The following AMBRA1 variants were observed in gnomAD, a reference collection of about 807,000 sequenced individuals.
AMBRA1 encodes activating molecule in BECN1-regulated autophagy protein 1.
AMBRA1 carries 47 observed loss-of-function variants against 125.4 expected under a neutral mutation model. That is an observed-to-expected ratio of 0.37 (90% CI 0.30 to 0.48). AMBRA1 has a LOEUF of 0.48. Among genes scored for constraint, AMBRA1 ranks in the 20% least tolerant of loss-of-function variants. The pLI is 0.99. For missense variants in AMBRA1, 1,331 were observed against 1,693.4 expected, an observed-to-expected ratio of 0.79 and a Z score of 3.76; for synonymous variants, 626 against 655.5, an observed-to-expected ratio of 0.95 and a Z score of 0.69.
chr11:46,544,103 G>A, intron 5 of AMBRA1, 62 bp from the exon 6 acceptor site: 1 of 1,362,456 alleles, frequency 7.3e-7, no homozygotes, highest in Non-Finnish European at 1.0e-6. Flanking sequence ...CTGAGAAGAG[G>A]AAACTTGTGT....
At chr11:46,556,817 A>G (rs1046649286) in intron 1 of AMBRA1, among the ~76,000 whole-genome samples, 1 of 152,202 alleles carries the variant, frequency 6.6e-6, no homozygotes, top group African/African-American at 2.4e-5. Context: ...TAATAGCTTC[A>G]TTCTGTAATG....
chr11:46,398,627 C>T (rs1037303125), intron 17 of AMBRA1, among the ~76,000 whole-genome samples: 4 of 151,918 alleles, frequency 2.6e-5, no homozygotes, highest in South Asian at 2.1e-4. Flanking sequence ...TACAGGTGCC[C>T]GCCACCACAC....
intron 1 of AMBRA1, among the ~76,000 whole-genome samples, chr11:46,578,384 G>A (rs1378495247): frequency 6.6e-6 from 1 of 151,936 alleles, no homozygotes; most frequent in African/African-American, 2.4e-5. Context: ...CTACTTGGGA[G>A]GCTGAGGCAA....
intron 11 of AMBRA1, among the ~76,000 whole-genome samples, chr11:46,490,334 T>C (rs929033589): frequency 7.2e-5 from 11 of 152,188 alleles, no homozygotes; most frequent in African/African-American, 2.7e-4. Flanking sequence ...ACCTACAGAA[T>C]TGCAGGTGAA....
At position 46,508,306 on chromosome 11, in the gene AMBRA1, G is replaced by A. The variant is rs757093273; in HGVS notation, c.2224C>T (p.Arg742Cys). 6.2e-6 allele frequency: 10 copies of A among 1,614,188 alleles called. No individual in the cohort carries two copies. Among genetic ancestry groups the A allele is most frequent in the South Asian group, 1.1e-5 (1 of 91,076 alleles). Residue 742 changes from arginine (R) to cysteine (C), a missense_variant, in exon 9 of 18, where the codon CGC becomes TGC. By Grantham distance (180) the Arg-to-Cys change is radical. This residue lies in a region of AMBRA1 where 689 missense variants were observed against 776.5 expected (regional missense o/e 0.89). Coordinates refer to ENST00000683756, the MANE Select transcript of AMBRA1 (RefSeq NM_001387011.1). Reference protein sequence around the residue: ...IQYLSRRDSIRQRSMRYQQNR... With the variant: ...IQYLSRRDSICQRSMRYQQNR... ...TGTTGGTAGCGCATGGAGCGCTGGCGAATACTGTCTCTCCGTGAGAGATAC... is the reference window on the plus strand; with the variant it reads ...TGTTGGTAGCGCATGGAGCGCTGGCAAATACTGTCTCTCCGTGAGAGATAC...
chr11:46,575,519 T>C (rs1158815019), intron 1 of AMBRA1, among the ~76,000 whole-genome samples: 4 of 141,602 alleles, frequency 2.8e-5, no homozygotes, highest in Non-Finnish European at 6.2e-5. Flanking sequence ...TTCCTTTTTT[T>C]TTTTTTTTTT....
At chr11:46,400,817 G>A (rs1404255422) in intron 17 of AMBRA1, among the ~76,000 whole-genome samples, 2 of 152,008 alleles carry the variant, frequency 1.3e-5, no homozygotes, top group African/African-American at 4.8e-5. Context: ...TCAGCATTAT[G>A]TCCTCTCTTG....
rs146000898 is a variant in AMBRA1, at chr11:46,547,258, T to C, written c.233A>G (p.Tyr78Cys). 2.0e-4 allele frequency: 330 copies of C among 1,613,650 alleles called. No individual in the cohort carries two copies. Among genetic ancestry groups the C allele is most frequent in the Non-Finnish European group, 2.6e-4 (309 of 1,179,920 alleles). The change falls in exon 4 of 18, where the codon TAT (tyrosine) becomes TGT (cysteine). Residue 78 changes from tyrosine (Y) to cysteine (C), a missense_variant. This residue lies in a region of AMBRA1 where 144 missense variants were observed against 250.4 expected (regional missense o/e 0.58). Coordinates refer to ENST00000683756, the MANE Select transcript of AMBRA1 (RefSeq NM_001387011.1). ...LASTHVNHNI[Y>C]ITEVKTGKCV... ...CTTGCCAGTCTTCACCTCCGTAATA[T>C]AGATATTATGGTTCACATGGGTGGA...
chr11:46,441,235 C>T (rs1264728505), intron 12 of AMBRA1, among the ~76,000 whole-genome samples: 2 of 152,054 alleles, frequency 1.3e-5, no homozygotes, highest in African/African-American at 4.8e-5. Flanking sequence ...TAAGCTGGGC[C>T]GGGCACGGTG....
chr11:46,455,762 T>C (rs1429392262), intron 11 of AMBRA1, among the ~76,000 whole-genome samples: 1 of 152,230 alleles, frequency 6.6e-6, no homozygotes, highest in Non-Finnish European at 1.5e-5. Flanking sequence ...ACCAGTGCCA[T>C]CCAGAGTTCA....
intron 14 of AMBRA1, among the ~76,000 whole-genome samples, chr11:46,425,803 C>T (rs1002300408): frequency 6.6e-6 from 1 of 150,640 alleles, no homozygotes; most frequent in Admixed American, 6.6e-5. Flanking sequence ...CGTGCCACTG[C>T]ACTCCAGCCT....
At chr11:46,485,916 G>A (rs1478431200) in intron 11 of AMBRA1, among the ~76,000 whole-genome samples, 3 of 152,190 alleles carry the variant, frequency 2.0e-5, no homozygotes, top group Non-Finnish European at 4.4e-5. Context: ...GGCTGGGGTA[G>A]AAAGGACTCG....
intron 11 of AMBRA1, among the ~76,000 whole-genome samples, chr11:46,458,464 G>C (rs1045703168): frequency 6.6e-6 from 1 of 152,046 alleles, no homozygotes; most frequent in Non-Finnish European, 1.5e-5. Context: ...AGTTTCCTCC[G>C]AATTCAAGTG....
intron 14 of AMBRA1, among the ~76,000 whole-genome samples, chr11:46,430,261 G>A (rs1947387734): frequency 1.3e-5 from 2 of 152,174 alleles, no homozygotes; most frequent in Non-Finnish European, 2.9e-5. Flanking sequence ...GGAAACAGAA[G>A]ACAAACACCA....
chr11:46,564,305 A>G (rs2043446772), intron 1 of AMBRA1, among the ~76,000 whole-genome samples: 2 of 152,032 alleles, frequency 1.3e-5, no homozygotes, highest in Non-Finnish European at 2.9e-5. Context: ...ACATATATAT[A>G]CACTTAAAGC....
At chr11:46,512,896 A>T in intron 7 of AMBRA1, 83 bp from the exon 8 acceptor site, 2 of 1,303,598 alleles carry the variant, frequency 1.5e-6, no homozygotes, top group East Asian at 2.5e-5. Context: ...AGGGAGAGAT[A>T]TATAACTTTC....
At chr11:46,406,495 A>T (rs1565123037) in intron 17 of AMBRA1, among the ~76,000 whole-genome samples, 3 of 150,852 alleles carry the variant, frequency 2.0e-5, no homozygotes, top group Admixed American at 1.3e-4. Flanking sequence ...AGGGCAACAT[A>T]GTGAGACCCC....
chr11:46,470,384 C>T (rs1010029331), intron 11 of AMBRA1, among the ~76,000 whole-genome samples: 1 of 151,914 alleles, frequency 6.6e-6, no homozygotes, highest in Non-Finnish European at 1.5e-5. Flanking sequence ...GTCAGGAGAT[C>T]GAGACCAATC....
At chr11:46,578,650 G>A (rs1033846498) in intron 1 of AMBRA1, among the ~76,000 whole-genome samples, 2 of 151,866 alleles carry the variant, frequency 1.3e-5, no homozygotes, top group African/African-American at 2.4e-5. Context: ...TTGGGAGGCC[G>A]AGGTGGGCGG....
Sources: gnomAD v4.1 joint callset for allele counts (sites outside exome capture counted in the v4.1 genomes callset) on GRCh38, gnomAD v4.1.1 for gene constraint, gnomAD v4.1.1 regional missense constraint, MANE v1.5 for transcripts, NCBI Gene and HGNC (gene_info 2026-07-23, HGNC 2026-07-21) for gene names.